DLGAP1: variants seen among roughly 807,000 people sequenced by gnomAD.
DLGAP1 encodes the protein DLG associated protein 1.
DLGAP1 carries 11 observed loss-of-function variants against 90.8 expected under a neutral mutation model. That is an observed-to-expected ratio of 0.12 (90% CI 0.08 to 0.20). The LOEUF is 0.20. DLGAP1 is among the 10% of genes least tolerant of loss of function. The probability of loss-of-function intolerance (pLI) is 1.00; values close to 1 mark genes in which losing one functional copy is unlikely to be tolerated. For synonymous variants in DLGAP1, 558 were observed against 540.7 expected (o/e 1.03, Z -0.44); for missense variants, 1,050 against 1,333.8 (o/e 0.79, Z 3.31).
chr18:3,899,720 C>A (rs548437690), intron 3 of DLGAP1, among the ~76,000 whole-genome samples: 1 of 152,304 alleles, frequency 6.6e-6, no homozygotes, highest in African/African-American at 2.4e-5. Flanking sequence ...CACTTTCCGC[C>A]AGTGTGAGCT....
chr18:3,535,686 T>C (rs1323114284), intron 9 of DLGAP1, among the ~76,000 whole-genome samples: 8 of 142,216 alleles, frequency 5.6e-5, no homozygotes, highest in South Asian at 4.5e-4. Context: ...CTAGCCTGGG[T>C]GACAGAGTGA....
Position 3,723,132 on chromosome 18 carries a change from T to C in DLGAP1, c.1591+6003A>G, listed in dbSNP as rs117412776. Among the ~76,000 whole-genome samples the C allele has an allele frequency of 7.1e-3, 1,078 of 152,298 alleles. 7 individuals carry two copies. Among genetic ancestry groups the C allele is most frequent in the Non-Finnish European group, 0.011 (780 of 68,016 alleles). On this transcript the variant is annotated intron_variant, in intron 7 of 12. Transcript: ENST00000315677. ...TTGGCTTTGTGGGCCAAAACATTCC[T>C]GCAGAGACTACTCTGCAGGAACTAT...
chr18:3,602,531 C>G (rs979174075), intron 7 of DLGAP1, among the ~76,000 whole-genome samples: 1 of 137,094 alleles, frequency 7.3e-6, no homozygotes, highest in African/African-American at 2.7e-5. Flanking sequence ...GGAGGCGGAG[C>G]TTGCAGGGAG....
chr18:4,179,973 T>C (rs183470793), intron 1 of DLGAP1, among the ~76,000 whole-genome samples: 22 of 152,278 alleles, frequency 1.4e-4, no homozygotes, highest in Admixed American at 6.5e-4. Flanking sequence ...CCTGGATACA[T>C]GGTAGTCCTT....
At chr18:3,954,760 G>A (rs549777566) in intron 3 of DLGAP1, among the ~76,000 whole-genome samples, 4 of 152,298 alleles carry the variant, frequency 2.6e-5, no homozygotes, top group Admixed American at 1.3e-4. Context: ...TTTACCTCAC[G>A]CCTGAAACAA....
intron 1 of DLGAP1, among the ~76,000 whole-genome samples, chr18:4,185,505 A>G (rs2077277700): frequency 6.6e-6 from 1 of 152,098 alleles, no homozygotes; most frequent in Non-Finnish European, 1.5e-5. Flanking sequence ...AAGTGAGAAC[A>G]TGAGGTATTT....
chr18:3,801,983 GTTTGTTTGTTTGTTTT>G (rs760103111), intron 5 of DLGAP1, among the ~76,000 whole-genome samples: 3 of 93,958 alleles, frequency 3.2e-5, no homozygotes, highest in Admixed American at 1.1e-4. Flanking sequence ...TTGTTTGTTT[GTTTGTTTGTTTGTTTT>G]TTTGAGATGG....
intron 1 of DLGAP1, among the ~76,000 whole-genome samples, chr18:4,268,370 C>T (rs73376953): frequency 0.014 from 2,074 of 151,510 alleles, 43 homozygotes; most frequent in African/African-American, 0.046. Flanking sequence ...GAAAGTATGC[C>T]GGGGAAGAAA....
intron 6 of DLGAP1, among the ~76,000 whole-genome samples, chr18:3,737,685 C>T (rs1350384417): frequency 8.2e-6 from 1 of 122,142 alleles, no homozygotes; most frequent in African/African-American, 3.2e-5. Context: ...TGGGCAAAAA[C>T]TGGAAGCATT....
chr18:3,857,690 T>G (rs1236068204), intron 4 of DLGAP1, among the ~76,000 whole-genome samples: 1 of 152,204 alleles, frequency 6.6e-6, no homozygotes. Flanking sequence ...CTATGATTCC[T>G]GCTGTGTAGC....
chr18:4,052,224 C>T (rs1387256639), intron 2 of DLGAP1, among the ~76,000 whole-genome samples: 1 of 152,214 alleles, frequency 6.6e-6, no homozygotes, highest in Non-Finnish European at 1.5e-5. Flanking sequence ...GACTCTAACC[C>T]CACATTTCCC....
intron 1 of DLGAP1, among the ~76,000 whole-genome samples, chr18:4,278,656 G>C (rs192459574): frequency 1.3e-5 from 2 of 152,144 alleles, no homozygotes; most frequent in African/African-American, 4.8e-5. Flanking sequence ...TGGTGTGTGT[G>C]TATGTGTATG....
intron 2 of DLGAP1, among the ~76,000 whole-genome samples, chr18:4,110,457 AC>A (rs1481162891): frequency 6.6e-6 from 1 of 152,220 alleles, no homozygotes; most frequent in Non-Finnish European, 1.5e-5. Flanking sequence ...ATGGTAACTG[AC>A]TATAGAATTA....
intron 5 of DLGAP1, among the ~76,000 whole-genome samples, chr18:3,755,716 T>C (rs986351809): frequency 1.3e-5 from 2 of 152,140 alleles, no homozygotes; most frequent in Admixed American, 6.5e-5. Context: ...AATTCAACAA[T>C]AGTAGTTAGA....
At chr18:4,227,567 A>T (rs2078218206) in intron 1 of DLGAP1, among the ~76,000 whole-genome samples, 1 of 152,024 alleles carries the variant, frequency 6.6e-6, no homozygotes, top group Non-Finnish European at 1.5e-5. Flanking sequence ...ATGCAAACAC[A>T]TGGAAATTAA....
At chr18:3,852,643 C>A (rs974640804) in intron 4 of DLGAP1, among the ~76,000 whole-genome samples, 25 of 152,024 alleles carry the variant, frequency 1.6e-4, no homozygotes, top group Admixed American at 1.4e-3. Flanking sequence ...CATATATATA[C>A]CCTTTAAGAA....
intron 2 of DLGAP1, among the ~76,000 whole-genome samples, chr18:4,055,458 C>T (rs897003083): frequency 6.6e-6 from 1 of 152,100 alleles, no homozygotes; most frequent in Non-Finnish European, 1.5e-5. Flanking sequence ...AAGTGGGCCC[C>T]GGTGTCGTCT....
intron 8 of DLGAP1, among the ~76,000 whole-genome samples, chr18:3,572,246 C>T (rs1339627193): frequency 6.6e-6 from 1 of 151,838 alleles, no homozygotes; most frequent in African/African-American, 2.4e-5. Context: ...ATATTATCTA[C>T]GAATAAAAGC....
At chr18:3,635,858 A>G (rs1167450556) in intron 7 of DLGAP1, among the ~76,000 whole-genome samples, 1 of 151,332 alleles carries the variant, frequency 6.6e-6, no homozygotes, top group Admixed American at 6.6e-5. Context: ...CTCAATAATC[A>G]CTGGATTTTC....
Sources: gnomAD v4.1 joint callset for allele counts (sites outside exome capture counted in the v4.1 genomes callset) on GRCh38, gnomAD v4.1.1 for gene constraint, MANE v1.5 for transcripts, NCBI Gene and HGNC (gene_info 2026-07-23, HGNC 2026-07-21) for gene names.